MAP4K4: variants seen among roughly 807,000 people sequenced by gnomAD.
MAP4K4 encodes HPK/GCK-like kinase HGK.
MAP4K4 carries 38 observed loss-of-function variants against 189.6 expected under a neutral mutation model. The observed-to-expected ratio is 0.20, with a 90% confidence interval of 0.15 to 0.26. The LOEUF (loss-of-function observed/expected upper bound fraction) is 0.26, where lower values mean the gene tolerates loss of function less well. MAP4K4 is among the 10% of genes least tolerant of loss of function. MAP4K4 has a pLI of 1.00. For missense variants in MAP4K4, 1,054 were observed against 1,726.9 expected (o/e 0.61, Z 6.91); for synonymous variants, 610 against 624.3 (o/e 0.98, Z 0.34).
At position 101,835,826 on chromosome 2, in the gene MAP4K4, T is replaced by C. The variant is rs562567137; in HGVS notation, c.695-74T>C. 1.1e-4 allele frequency: 114 copies of C among 1,005,002 alleles called. No homozygotes were observed. The South Asian group carries it at 1.5e-3, about 13-fold the overall frequency. 62.3% of individuals were successfully genotyped at this position (1,005,002 alleles called of 1,614,324 possible). On this transcript the variant is annotated intron_variant, in intron 8 of 32. Coordinates refer to ENST00000324219, the Ensembl canonical transcript of MAP4K4. ...CGATGGGCCAGAGCATTTCATGTTA[T>C]TTATGACTGAACCCTAGAAATCAAG...
At chr2:101,822,014 T>G (rs1246823742) in intron 3 of MAP4K4, among the ~76,000 whole-genome samples, 1 of 152,210 alleles carries the variant, frequency 6.6e-6, no homozygotes, top group East Asian at 1.9e-4. Flanking sequence ...CAGTAGAAGG[T>G]CTTCAAGGGC....
chr2:101,881,740 G>A (rs143627968), intron 27 of MAP4K4, among the ~76,000 whole-genome samples: 4 of 152,230 alleles, frequency 2.6e-5, no homozygotes, highest in East Asian at 3.9e-4. Flanking sequence ...TTATAAGTAG[G>A]TATTGGGTTT....
chr2:101,820,945 C>T (rs1381170416), intron 3 of MAP4K4, among the ~76,000 whole-genome samples: 3 of 152,148 alleles, frequency 2.0e-5, no homozygotes, highest in Non-Finnish European at 4.4e-5. Flanking sequence ...GGGCATGCTT[C>T]CTCATGTTTT....
intron 2 of MAP4K4, among the ~76,000 whole-genome samples, chr2:101,769,691 C>G (rs974127981): frequency 5.3e-5 from 8 of 151,680 alleles, no homozygotes; most frequent in Non-Finnish European, 1.0e-4. Flanking sequence ...TCAAGTAATT[C>G]TCCTGCCTCA....
chr2:101,838,792 T>C (rs1295996908), intron 9 of MAP4K4, among the ~76,000 whole-genome samples: 3 of 152,350 alleles, frequency 2.0e-5, no homozygotes, highest in African/African-American at 7.2e-5. Context: ...ATAGAAGTGA[T>C]TCTTAAAAGC....
intron 3 of MAP4K4, among the ~76,000 whole-genome samples, chr2:101,814,903 T>A (rs2095630714): frequency 6.6e-6 from 1 of 152,130 alleles, no homozygotes; most frequent in South Asian, 2.1e-4. Flanking sequence ...ATGAAACATA[T>A]CAGAAATTGG....
rs1258315287 is a variant in MAP4K4, at chr2:101,698,316, C to T, written c.58-157C>T. On this transcript the variant is annotated intron_variant, in intron 1 of 32. Transcript: ENST00000324219. ...CGGGCGCTACCCTCTACCGCCCCCA[C>T]GCCCCGAGCCCGCCGCGCGACCCCC... Among the ~76,000 whole-genome samples, 7 of 151,048 alleles carry T rather than the reference C, an allele frequency of 4.6e-5. No homozygotes were observed. The East Asian group carries it at 1.4e-3, about 30-fold the overall frequency.
intron 2 of MAP4K4, among the ~76,000 whole-genome samples, chr2:101,754,233 A>G (rs746306273): frequency 6.6e-6 from 1 of 151,992 alleles, no homozygotes. Flanking sequence ...ATGTCTTCAT[A>G]GTGCCACCCG....
chr2:101,887,655 A>G, intron 30 of MAP4K4, 123 bp from the exon 31 acceptor site: 1 of 676,280 alleles, frequency 1.5e-6, no homozygotes, highest in Non-Finnish European at 2.4e-6. Flanking sequence ...ATGTTAATCT[A>G]ATTGCTGTAT....
chr2:101,716,360 G>A (rs946972041), intron 2 of MAP4K4, among the ~76,000 whole-genome samples: 14 of 152,180 alleles, frequency 9.2e-5, no homozygotes, highest in East Asian at 3.9e-4. Flanking sequence ...GAAGAATGGC[G>A]TGAACCTGGG....
intron 2 of MAP4K4, among the ~76,000 whole-genome samples, chr2:101,703,742 G>A (rs549302866): frequency 1.3e-5 from 2 of 152,030 alleles, no homozygotes; most frequent in East Asian, 1.9e-4. Context: ...GGCCGGGCAC[G>A]GTGGCTCACA....
chr2:101,743,010 A>G (rs1171235117), intron 2 of MAP4K4, among the ~76,000 whole-genome samples: 2 of 152,232 alleles, frequency 1.3e-5, no homozygotes, highest in Non-Finnish European at 2.9e-5. Flanking sequence ...AATTACTAAA[A>G]TTATAAATCT....
chr2:101,751,081 G>A (rs1005027609), intron 2 of MAP4K4, among the ~76,000 whole-genome samples: 5 of 152,266 alleles, frequency 3.3e-5, no homozygotes, highest in African/African-American at 7.2e-5. Flanking sequence ...TGTATGTGCC[G>A]CTTCCATCCC....
At chr2:101,740,016 G>C (rs574169322) in intron 2 of MAP4K4, among the ~76,000 whole-genome samples, 1 of 152,292 alleles carries the variant, frequency 6.6e-6, no homozygotes, top group African/African-American at 2.4e-5. Flanking sequence ...TGACACGTTT[G>C]CTTTTGGACA....
At chr2:101,738,388 C>A (rs920633288) in intron 2 of MAP4K4, among the ~76,000 whole-genome samples, 9 of 152,090 alleles carry the variant, frequency 5.9e-5, no homozygotes, top group African/African-American at 2.2e-4. Context: ...GAAAGGCCTT[C>A]AGTCAATACT....
At chr2:101,847,766 A>G (rs576635932) in intron 12 of MAP4K4, among the ~76,000 whole-genome samples, 31 of 152,338 alleles carry the variant, frequency 2.0e-4, no homozygotes, top group Admixed American at 7.2e-4. Context: ...TAAATTTAGT[A>G]TGGCCTGAAT....
chr2:101,828,163 T>C (rs1268116885), intron 5 of MAP4K4, among the ~76,000 whole-genome samples: 2 of 152,242 alleles, frequency 1.3e-5, no homozygotes, highest in South Asian at 2.1e-4. Flanking sequence ...CTGCTAGTAA[T>C]GAACAAGAGT....
intron 23 of MAP4K4, among the ~76,000 whole-genome samples, chr2:101,870,995 T>C (rs2097993117): frequency 3.3e-5 from 5 of 152,232 alleles, no homozygotes; most frequent in South Asian, 4.1e-4. Flanking sequence ...TATAACTGTC[T>C]GTTCATTTCT....
chr2:101,831,004 C>T (rs1388683757), intron 6 of MAP4K4, among the ~76,000 whole-genome samples: 1 of 152,180 alleles, frequency 6.6e-6, no homozygotes, highest in Non-Finnish European at 1.5e-5. Context: ...GCATGGGCTC[C>T]TCCACCTTTG....
Sources: gnomAD v4.1 joint callset for allele counts (sites outside exome capture counted in the v4.1 genomes callset) on GRCh38, gnomAD v4.1.1 for gene constraint, MANE v1.5 for transcripts, NCBI Gene and HGNC (gene_info 2026-07-23, HGNC 2026-07-21) for gene names.